The following STEAP2 variants were observed in gnomAD, a reference collection of about 807,000 sequenced individuals.
The protein encoded by STEAP2 is metalloreductase STEAP2.
STEAP2 carries 30 observed loss-of-function variants against 46.4 expected under a neutral mutation model. The observed-to-expected ratio is 0.65, with a 90% CI of 0.48 to 0.88. STEAP2 has a LOEUF of 0.88. STEAP2 is among the 40% of genes least tolerant of loss of function. The pLI is 0.00. For synonymous variants in STEAP2, 180 were observed against 200.5 expected (o/e 0.90, Z 0.86); for missense variants, 513 against 579.3 (o/e 0.89, Z 1.18).
intron 4 of STEAP2, among the ~76,000 whole-genome samples, chr7:90,228,280 G>T (rs1421646105): frequency 6.6e-6 from 1 of 152,150 alleles, no homozygotes; most frequent in Non-Finnish European, 1.5e-5. Context: ...TCTGCATTTT[G>T]TAAGGATCGA....
At chr7:90,219,714 G>A (rs1247744091) in intron 2 of STEAP2, among the ~76,000 whole-genome samples, 1 of 151,976 alleles carries the variant, frequency 6.6e-6, no homozygotes, top group African/African-American at 2.4e-5. Flanking sequence ...TGCTTCTACA[G>A]ACACACACGC....
rs558808087 is a variant in STEAP2 at position 90,211,788 on chromosome 7, G to A, written c.-404G>A. ...GCGCCACGAGCTGTCCGGGCACGCA[G>A]CCCCTAGCGGCGCGTCGCTGCCAAG... On this transcript the variant is annotated 5_prime_UTR_variant, in exon 1 of 6. Transcript: ENST00000394621. The A allele has an allele frequency of 9.2e-5, 14 of 152,746 alleles. No homozygotes were observed. The highest frequency in any genetic ancestry group is 3.4e-4 in the African/African-American group (14 of 41,594). 9.5% of individuals were successfully genotyped at this position (152,746 alleles called of 1,614,324 possible).
chr7:90,232,105 C>A (rs1409709191), intron 5 of STEAP2, among the ~76,000 whole-genome samples: 1 of 151,698 alleles, frequency 6.6e-6, no homozygotes, highest in Non-Finnish European at 1.5e-5. Context: ...AAACTGTATG[C>A]AGTAGGGCCT....
chr7:90,226,865 T>C (rs1417002890), intron 3 of STEAP2, 106 bp from the exon 4 acceptor site: 8 of 1,121,362 alleles, frequency 7.1e-6, no homozygotes, highest in Non-Finnish European at 6.3e-6. Context: ...AACAAGTATT[T>C]ATTCCTCAAG....
chr7:90,233,789 A>T lies in STEAP2; in HGVS notation c.*1165A>T. ...TAGAGCTCCCGCCGCGCCCCTATGC[A>T]TTATGTTCACAATGCCAATCTAGAT... is the stretch of plus-strand genomic sequence containing the variant. On this transcript the variant is annotated 3_prime_UTR_variant, in exon 6 of 6. Coordinates refer to ENST00000394621, the MANE Select transcript of STEAP2 (RefSeq NM_001244944.2). 1.0e-6 allele frequency: 1 copy of T among 985,428 alleles called. No individual in the cohort carries two copies. Among genetic ancestry groups the T allele is most frequent in the Non-Finnish European group, 1.2e-6 (1 of 829,936 alleles). The allele number at this position is 985,428 out of a possible 1,614,324, so 61.0% of individuals were successfully genotyped here. A position where few individuals can be genotyped will look rare whatever the true frequency, so the allele number is the denominator to read the frequency against.
At position 90,227,289 on chromosome 7, in the gene STEAP2, T is replaced by A; in HGVS notation, c.811T>A (p.Tyr271Asn). 1 of 1,613,914 alleles carries A rather than the reference T, an allele frequency of 6.2e-7. No individual in the cohort carries two copies. The highest frequency in any genetic ancestry group is 8.5e-7 in the Non-Finnish European group (1 of 1,179,840). The change falls in exon 4 of 6, where the codon TAC (tyrosine) becomes AAC (asparagine). Residue 271 changes from tyrosine to asparagine, a missense_variant. Physicochemically the swap from Tyr to Asn is moderately radical, Grantham distance 143. Coordinates refer to ENST00000394621, the MANE Select transcript of STEAP2 (RefSeq NM_001244944.2). ...TGCCATTACTTTGCTCTCCCTAGTATACCTCGCAGGTCTTCTGGCAGCTGC... is the reference window on the plus strand; with the variant it reads ...TGCCATTACTTTGCTCTCCCTAGTAAACCTCGCAGGTCTTCTGGCAGCTGC... ...IVAITLLSLV[Y>N]LAGLLAAAYQ...
At position 90,234,757 on chromosome 7, in the gene STEAP2, G is replaced by A. The variant is rs1052424870; in HGVS notation, c.*2133G>A. On this transcript the variant is annotated 3_prime_UTR_variant, in exon 6 of 6. Coordinates refer to ENST00000394621, the MANE Select transcript of STEAP2 (RefSeq NM_001244944.2). Reference sequence around the variant, plus strand: ...TTTAGTAGAGACGGAGTTTCACCGTGTTAGCCAGGATGGTCTCGATCTCCT... The same window carrying A: ...TTTAGTAGAGACGGAGTTTCACCGTATTAGCCAGGATGGTCTCGATCTCCT... 3 of 565,234 alleles carry A rather than the reference G, an allele frequency of 5.3e-6. No individual in the cohort carries two copies. The highest frequency in any genetic ancestry group is 4.5e-6 in the Non-Finnish European group (2 of 446,558). The allele number at this position is 565,234 out of a possible 1,614,324, so 35.0% of individuals were successfully genotyped here.
chr7:90,219,287 C>A (rs1795154580), intron 2 of STEAP2, among the ~76,000 whole-genome samples: 1 of 151,882 alleles, frequency 6.6e-6, no homozygotes, highest in East Asian at 1.9e-4. Context: ...TTTCTCTTTC[C>A]TGGTTGCTCT....
chr7:90,224,667 G>A (rs1303590389), intron 2 of STEAP2, among the ~76,000 whole-genome samples: 1 of 152,122 alleles, frequency 6.6e-6, no homozygotes, highest in Non-Finnish European at 1.5e-5. Flanking sequence ...CTCAAAGAGG[G>A]GTCTCAGACC....
In STEAP2 at chr7:90,237,534, A is replaced by G. The variant is rs1345092758; in HGVS notation, c.*4910A>G. On this transcript the variant is annotated 3_prime_UTR_variant, in exon 6 of 6. Transcript: ENST00000394621. ...ACTCTGTAATCTCCAAAATATTGCT[A>G]TCAAATTACACACCATGTTTTCTAT... The G allele has an allele frequency of 6.5e-6, 1 of 153,072 alleles. No homozygotes were observed. Among genetic ancestry groups the G allele is most frequent in the Non-Finnish European group, 1.5e-5 (1 of 68,632 alleles). 9.5% of individuals were successfully genotyped at this position (153,072 alleles called of 1,614,324 possible).
intron 2 of STEAP2, among the ~76,000 whole-genome samples, chr7:90,222,956 A>G (rs1254880653): frequency 1.3e-5 from 2 of 152,200 alleles, no homozygotes; most frequent in African/African-American, 2.4e-5. Flanking sequence ...GTAGAATGGA[A>G]GAGTATTTTT....
At chr7:90,217,704 CAAAAAAAA>C (rs10571794) in intron 2 of STEAP2, among the ~76,000 whole-genome samples, 1 of 99,116 alleles carries the variant, frequency 1.0e-5, no homozygotes, top group African/African-American at 3.7e-5. Flanking sequence ...GAATAGTGCG[CAAAAAAAA>C]AAAAAAAAAA....
downstream of STEAP2, chr7:90,238,268 C>A: frequency 1.7e-6 from 1 of 588,502 alleles, no homozygotes; most frequent in Non-Finnish European, 3.2e-6. Context: ...GCTTCCCCAG[C>A]TGCTGCCTGG....
intron 2 of STEAP2, 53 bp from the exon 3 acceptor site, chr7:90,224,997 T>C (rs888930100): frequency 8.2e-6 from 12 of 1,464,742 alleles, no homozygotes; most frequent in African/African-American, 1.4e-5. Context: ...TCTAGAAGTG[T>C]TTTAATGTTC....
chr7:90,217,400 C>A (rs1795066679), intron 2 of STEAP2, among the ~76,000 whole-genome samples: 1 of 152,096 alleles, frequency 6.6e-6, no homozygotes, highest in Non-Finnish European at 1.5e-5. Flanking sequence ...ACATCTCTTC[C>A]TCCCCTCCTC....
chr7:90,222,941 T>C (rs562007310), intron 2 of STEAP2, among the ~76,000 whole-genome samples: 14 of 152,254 alleles, frequency 9.2e-5, no homozygotes, highest in African/African-American at 3.4e-4. Context: ...AATTGTGCAA[T>C]GAGGGTAGAA....
At chr7:90,218,225 A>C (rs952522094) in intron 2 of STEAP2, among the ~76,000 whole-genome samples, 1 of 152,058 alleles carries the variant, frequency 6.6e-6, no homozygotes, top group Non-Finnish European at 1.5e-5. Context: ...TGGTCTCTTC[A>C]TTCTGTTGAT....
At chr7:90,212,589 G>A (rs958830757) in intron 1 of STEAP2, among the ~76,000 whole-genome samples, 2 of 152,160 alleles carry the variant, frequency 1.3e-5, no homozygotes, top group African/African-American at 4.8e-5. Flanking sequence ...TTCAGCCTCA[G>A]CCAAAACTTG....
chr7:90,217,661 A>G (rs915474461), intron 2 of STEAP2, among the ~76,000 whole-genome samples: 3 of 145,556 alleles, frequency 2.1e-5, no homozygotes, highest in Non-Finnish European at 3.0e-5. Flanking sequence ...TTGTTGATGG[A>G]CATGTAGATT....
Sources: allele counts gnomAD v4.1 joint callset (sites outside exome capture counted in the v4.1 genomes callset), GRCh38; gene constraint gnomAD v4.1.1; transcripts MANE v1.5; gene names NCBI Gene and HGNC (gene_info 2026-07-23, HGNC 2026-07-21).